PREX1: variants seen among roughly 807,000 people sequenced by gnomAD.
PREX1 encodes phosphatidylinositol-3,4,5-trisphosphate dependent Rac exchange factor 1.
Under a neutral mutation model 198.3 loss-of-function variants are expected in PREX1, and 41 were observed. The ratio of observed to expected loss-of-function variants is 0.21; its 90% CI spans 0.16 to 0.27. The LOEUF is 0.27. Ranked by LOEUF, PREX1 falls within the 10% of genes least tolerant of loss-of-function variation. The pLI, the probability that PREX1 is intolerant of heterozygous loss-of-function variation, is 1.00. For synonymous variants in PREX1, 843 were observed against 887.2 expected, an observed-to-expected ratio of 0.95 and a Z score of 0.89; for missense variants, 1,620 against 2,200.7, an observed-to-expected ratio of 0.74 and a Z score of 5.28.
At chr20:48,882,200 T>C in the PREX1 span, among the ~76,000 whole-genome samples, 4 of 152,130 alleles carry the variant, frequency 2.6e-5, 1 homozygote. Flanking sequence ...TTATGAATTA[T>C]GTTGTTAAGA....
chr20:48,744,197 C>T (rs1016394053), intron 3 of PREX1, among the ~76,000 whole-genome samples: 1 of 152,142 alleles, frequency 6.6e-6, no homozygotes, highest in Non-Finnish European at 1.5e-5. Flanking sequence ...CACTCTAGAG[C>T]TAGGACAACC....
At chr20:48,758,065 T>C (rs1358775142) in intron 1 of PREX1, among the ~76,000 whole-genome samples, 2 of 151,828 alleles carry the variant, frequency 1.3e-5, no homozygotes, top group Non-Finnish European at 2.9e-5. Flanking sequence ...GGAGTACAAG[T>C]AGTTTCTTTG....
chr20:48,765,492 C>G (rs1159726542), intron 1 of PREX1, among the ~76,000 whole-genome samples: 1 of 152,154 alleles, frequency 6.6e-6, no homozygotes, highest in African/African-American at 2.4e-5. Context: ...TCCAATGAAA[C>G]GTGGACACGA....
chr20:48,802,869 G>A (rs1402807672), intron 1 of PREX1, among the ~76,000 whole-genome samples: 2 of 152,210 alleles, frequency 1.3e-5, no homozygotes, highest in East Asian at 1.9e-4. Context: ...GCCGTTCTGC[G>A]AGCTTGTAAC....
chr20:48,630,651 G>T, intron 36 of PREX1, 77 bp downstream of exon 36: 1 of 1,315,628 alleles, frequency 7.6e-7, no homozygotes, highest in Non-Finnish European at 1.1e-6. Flanking sequence ...ACAACCCTGG[G>T]CCTGTCTGCT....
In PREX1 at chr20:48,744,029, ATGAT is replaced by A. The variant is rs775187074; in HGVS notation, c.414+992_414+995del. Among the ~76,000 whole-genome samples, 503 of 150,282 alleles carry A rather than the reference ATGAT, an allele frequency of 3.3e-3. 3 individuals carry two copies. Among genetic ancestry groups the A allele is most frequent in the African/African-American group, 0.01 (413 of 40,972 alleles). ...GATGATGATGATGATGATGATGATG[ATGAT>A]GAGTTAACAGTGGCCGAGTGCTGAT... On this transcript the variant is annotated intron_variant, in intron 3 of 39. Coordinates refer to ENST00000371941, the MANE Select transcript of PREX1 (RefSeq NM_020820.4).
intron 7 of PREX1, among the ~76,000 whole-genome samples, chr20:48,693,144 T>C (rs2089827902): frequency 6.6e-6 from 1 of 152,190 alleles, no homozygotes; most frequent in Non-Finnish European, 1.5e-5. Flanking sequence ...AGGAACTTCC[T>C]GAAATACGAC....
chr20:48,830,689 C>G (rs1453696034), upstream of PREX1, among the ~76,000 whole-genome samples: 2 of 152,206 alleles, frequency 1.3e-5, no homozygotes, highest in Non-Finnish European at 2.9e-5. Context: ...CCTTCCATCC[C>G]CATCCCCAGT....
chr20:48,883,741 G>A, the PREX1 span, among the ~76,000 whole-genome samples: 7 of 152,126 alleles, frequency 4.6e-5, no homozygotes, highest in South Asian at 4.1e-4. Flanking sequence ...AAAGAAGACC[G>A]AAATAAAAGG....
chr20:48,777,561 A>T (rs1303732049), intron 1 of PREX1, among the ~76,000 whole-genome samples: 1 of 152,162 alleles, frequency 6.6e-6, no homozygotes, highest in Non-Finnish European at 1.5e-5. Context: ...GGGAGGTAAG[A>T]ACCTGAAATG....
rs2090242862 is a variant in PREX1, at chr20:48,772,759, C to T, written c.220-24879G>A. On this transcript the variant is annotated intron_variant, in intron 1 of 39. Transcript: ENST00000371941. ...CCGTCCAGCCAGGATGGCCGCATGG[C>T]TGAGTGCCAAGGCCAATGGCGAAGT... Among the ~76,000 whole-genome samples, 3 of 152,202 alleles carry T rather than the reference C, an allele frequency of 2.0e-5. No individual in the cohort carries two copies. In the South Asian group the frequency reaches 6.2e-4, roughly 32 times the overall value.
the PREX1 span, among the ~76,000 whole-genome samples, chr20:48,878,273 GCCT>G: frequency 6.6e-6 from 1 of 152,138 alleles, no homozygotes; most frequent in Non-Finnish European, 1.5e-5. Flanking sequence ...ACATGCAGTA[GCCT>G]CATTTTCTTT....
upstream of PREX1, among the ~76,000 whole-genome samples, chr20:48,829,760 A>G (rs1396990146): frequency 6.6e-6 from 1 of 152,184 alleles, no homozygotes; most frequent in East Asian, 1.9e-4. Flanking sequence ...AGGGGAGAAC[A>G]TGGCTGGAAC....
chr20:48,775,892 G>A (rs997904935), intron 1 of PREX1, among the ~76,000 whole-genome samples: 15 of 152,126 alleles, frequency 9.9e-5, no homozygotes, highest in Non-Finnish European at 1.8e-4. Context: ...GTCTTTATCA[G>A]CAGTATGAAA....
the PREX1 span, among the ~76,000 whole-genome samples, chr20:48,851,361 C>T: frequency 2.0e-5 from 3 of 152,016 alleles, no homozygotes; most frequent in Admixed American, 6.6e-5. Context: ...ACAAAAATTA[C>T]CCAGGCGTGG....
At chr20:48,835,940 A>G in the PREX1 span, among the ~76,000 whole-genome samples, 1 of 152,206 alleles carries the variant, frequency 6.6e-6, no homozygotes, top group Non-Finnish European at 1.5e-5. Context: ...GAGGAGATGG[A>G]GAGAAACAGT....
chr20:48,636,778 A>G lies in PREX1; in HGVS notation c.3947-95T>C. On this transcript the variant is annotated intron_variant, in intron 31 of 39. Transcript: ENST00000371941. Reference sequence around the variant, plus strand: ...ACCCTGGGTCCAGGACCCCTCATGGAACCCCCAGCAAAGGGCTAACATCAG... The same window carrying G: ...ACCCTGGGTCCAGGACCCCTCATGGGACCCCCAGCAAAGGGCTAACATCAG... The G allele has an allele frequency of 2.8e-6, 3 of 1,086,682 alleles. No individual in the cohort carries two copies. The South Asian group carries it at 4.8e-5, about 17-fold the overall frequency. The allele number at this position is 1,086,682 out of a possible 1,614,324, so 67.3% of individuals were successfully genotyped here. A position where few individuals can be genotyped will look rare whatever the true frequency, so the allele number is the denominator to read the frequency against.
rs2089639308 is a variant in PREX1, at chr20:48,666,186, G to A, written c.1738+97C>T. On this transcript the variant is annotated intron_variant, in intron 15 of 39. Transcript: ENST00000371941. This position sits in a 1 kb window ranked among gnomAD's most constrained non-coding sequence, Gnocchi z 4.3. The stretch of plus-strand genomic sequence containing the variant: ...CTCCCCAAACCCCCGGGGGTCTAGA[G>A]AGCCACAGACCTGGCTTCAGTCCTC... The A allele has an allele frequency of 6.3e-6, 8 of 1,278,838 alleles. No homozygotes were observed. The allele number at this position is 1,278,838 out of a possible 1,614,324, so 79.2% of individuals were successfully genotyped here.
intron 2 of PREX1, among the ~76,000 whole-genome samples, chr20:48,746,269 T>C (rs2090107206): frequency 6.6e-6 from 1 of 152,228 alleles, no homozygotes. Flanking sequence ...GCAATCTGCC[T>C]GCCTCAGCCT....
Sources: gnomAD v4.1 joint callset for allele counts (sites outside exome capture counted in the v4.1 genomes callset) on GRCh38, gnomAD v4.1.1 for gene constraint, Gnocchi (gnomAD v3.1) non-coding constraint, MANE v1.5 for transcripts, NCBI Gene and HGNC (gene_info 2026-07-23, HGNC 2026-07-21) for gene names.